NAV2: variants seen among roughly 807,000 people sequenced by gnomAD.
The protein encoded by NAV2 is helicase, APC down-regulated 1.
A neutral mutation model predicts 223.2 loss-of-function variants in NAV2; 54 were observed. That is an observed-to-expected ratio of 0.24 (90% CI 0.19 to 0.30). The LOEUF is 0.30. Ranked by LOEUF, NAV2 falls within the 10% of genes least tolerant of loss-of-function variation. The pLI, the probability that NAV2 is intolerant of heterozygous loss-of-function variation, is 1.00. For missense variants in NAV2, 2,806 were observed against 3,147.5 expected (o/e 0.89, Z 2.60); for synonymous variants, 1,279 against 1,239.3 (o/e 1.03, Z -0.67).
chr11:19,420,945 G>A (rs569995651), intron 1 of NAV2, among the ~76,000 whole-genome samples: 2 of 152,278 alleles, frequency 1.3e-5, no homozygotes, highest in African/African-American at 2.4e-5. Flanking sequence ...TGACCTCCAC[G>A]GTGCATGGCA....
At chr11:19,791,203 C>T (rs11600637) in intron 1 of NAV2, among the ~76,000 whole-genome samples, 1 of 151,982 alleles carries the variant, frequency 6.6e-6, no homozygotes, top group Non-Finnish European at 1.5e-5. Context: ...GTCCTGCCCA[C>T]GTGGACATCA....
chr11:19,876,937 T>A (rs2062869758), intron 4 of NAV2, among the ~76,000 whole-genome samples: 1 of 143,910 alleles, frequency 6.9e-6, no homozygotes, highest in Admixed American at 7.2e-5. Flanking sequence ...TATTTATATA[T>A]ATTTATATAT....
intron 12 of NAV2, among the ~76,000 whole-genome samples, chr11:20,039,167 G>A (rs2056677514): frequency 6.6e-6 from 1 of 152,196 alleles, no homozygotes; most frequent in Non-Finnish European, 1.5e-5. Flanking sequence ...AGGTGTCAGG[G>A]AGTAGGTGTG....
chr11:19,577,989 G>A (rs1231040898), intron 1 of NAV2, among the ~76,000 whole-genome samples: 2 of 152,168 alleles, frequency 1.3e-5, no homozygotes, highest in East Asian at 1.9e-4. Context: ...TGCAAGGGGA[G>A]GAAAGAAAGG....
intron 1 of NAV2, among the ~76,000 whole-genome samples, chr11:19,536,498 G>A (rs779100600): frequency 2.0e-5 from 3 of 152,128 alleles, no homozygotes; most frequent in Admixed American, 6.5e-5. Flanking sequence ...ACCCCACACC[G>A]TGAATCACAA....
chr11:19,458,305 A>G (rs1046877382), intron 1 of NAV2, among the ~76,000 whole-genome samples: 1 of 152,230 alleles, frequency 6.6e-6, no homozygotes, highest in African/African-American at 2.4e-5. Context: ...GGCTGCTCCC[A>G]GAGCCCCTTC....
chr11:19,381,788 C>G (rs143939294), intron 1 of NAV2, among the ~76,000 whole-genome samples: 3 of 152,154 alleles, frequency 2.0e-5, no homozygotes, highest in Non-Finnish European at 4.4e-5. Flanking sequence ...AACTAAGATG[C>G]CTTCACAAAT....
intron 1 of NAV2, among the ~76,000 whole-genome samples, chr11:19,587,379 C>A (rs996650535): frequency 1.3e-4 from 20 of 152,204 alleles, no homozygotes; most frequent in African/African-American, 4.6e-4. Flanking sequence ...AGCTGCCCCA[C>A]TGTCCTGTAC....
chr11:19,598,869 G>A lies in NAV2; in HGVS notation c.76-233615G>A, dbSNP rs572420040. Among the ~76,000 whole-genome samples, 13 of 137,482 alleles carry A rather than the reference G, an allele frequency of 9.5e-5. No homozygotes were observed. The South Asian group carries it at 1.7e-3, about 18-fold the overall frequency. The allele number at this position is 137,482 out of a possible 152,430, so 90.2% of individuals were successfully genotyped here. ...TTCTTTAGTTGGCTCTGCATAATAC[G>A]TTCTTTTATGGCCTGTGTGTGTGTG... On this transcript the variant is annotated intron_variant, in intron 1 of 37. Transcript: ENST00000360655.
At chr11:19,813,343 C>T (rs559334684) in intron 1 of NAV2, among the ~76,000 whole-genome samples, 1 of 152,316 alleles carries the variant, frequency 6.6e-6, no homozygotes, top group South Asian at 2.1e-4. Context: ...GAAGTTTGCA[C>T]AGTCCCTTGG....
At chr11:19,922,788 C>G (rs867868497) in intron 6 of NAV2, among the ~76,000 whole-genome samples, 2 of 152,150 alleles carry the variant, frequency 1.3e-5, no homozygotes, top group Non-Finnish European at 2.9e-5. Context: ...TAAGATTTCA[C>G]CATTCTAGCT....
intron 11 of NAV2, among the ~76,000 whole-genome samples, chr11:20,002,795 C>T (rs987778080): frequency 3.9e-5 from 6 of 152,222 alleles, no homozygotes; most frequent in East Asian, 1.9e-4. Context: ...CCTACCCCAG[C>T]GCCCCTGGAA....
intron 32 of NAV2, among the ~76,000 whole-genome samples, chr11:20,102,113 G>A (rs2061681725): frequency 6.6e-6 from 1 of 152,136 alleles, no homozygotes; most frequent in African/African-American, 2.4e-5. Flanking sequence ...CTCTTCTGTT[G>A]AGAGCCTTTG....
chr11:19,889,189 C>T (rs1196041115), intron 5 of NAV2, among the ~76,000 whole-genome samples: 1 of 152,184 alleles, frequency 6.6e-6, no homozygotes, highest in Non-Finnish European at 1.5e-5. Context: ...TGTTTTGGTT[C>T]CCTCCTGGGT....
intron 1 of NAV2, among the ~76,000 whole-genome samples, chr11:19,534,664 GGC>G (rs1268875378): frequency 6.6e-6 from 1 of 152,190 alleles, no homozygotes; most frequent in African/African-American, 2.4e-5. Context: ...AAGGAGCAAT[GGC>G]ATGGAACTTG....
At chr11:19,566,641 C>T (rs1046995948) in intron 1 of NAV2, among the ~76,000 whole-genome samples, 5 of 152,062 alleles carry the variant, frequency 3.3e-5, no homozygotes, top group Admixed American at 2.0e-4. Context: ...CCAGAACTGC[C>T]GGTTATGTAG....
chr11:20,061,279 A>G (rs2058681950), intron 19 of NAV2, among the ~76,000 whole-genome samples: 1 of 152,094 alleles, frequency 6.6e-6, no homozygotes, highest in Non-Finnish European at 1.5e-5. Context: ...ACAAATAATA[A>G]GATGTCTTGG....
intron 1 of NAV2, among the ~76,000 whole-genome samples, chr11:19,691,399 T>C (rs574111893): frequency 1.3e-5 from 2 of 152,354 alleles, no homozygotes; most frequent in South Asian, 4.1e-4. Context: ...CAAAATCTTC[T>C]AAATACCATG....
At position 20,118,386 on chromosome 11, in the gene NAV2, AC is replaced by A. The variant is rs901339061; in HGVS notation, c.*134del. The A allele has an allele frequency of 6.2e-6, 7 of 1,131,804 alleles. No individual in the cohort carries two copies. Among genetic ancestry groups the A allele is most frequent in the African/African-American group, 4.7e-5 (3 of 64,128 alleles). 70.1% of individuals were successfully genotyped at this position (1,131,804 alleles called of 1,614,324 possible). ...GCCTTAGAGCTGCGGGAACACCGAG[AC>A]CCCCCGTCCTTCAGCCTCGACCTGG... On this transcript the variant is annotated 3_prime_UTR_variant, in exon 38 of 38. Transcript: ENST00000349880.
Sources: allele counts gnomAD v4.1 joint callset (sites outside exome capture counted in the v4.1 genomes callset), GRCh38; gene constraint gnomAD v4.1.1; transcripts MANE v1.5; gene names NCBI Gene and HGNC (gene_info 2026-07-23, HGNC 2026-07-21).